The following GNB4 variants were observed in gnomAD, a reference collection of about 807,000 sequenced individuals.
The protein encoded by GNB4 is G protein subunit beta 4.
Under a neutral mutation model 45.2 loss-of-function variants are expected in GNB4, and 28 were observed. That is an observed-to-expected ratio of 0.62 (90% CI 0.46 to 0.85). GNB4 has a LOEUF of 0.85. Ranked by LOEUF, GNB4 falls within the 40% of genes least tolerant of loss-of-function variation. GNB4 has a pLI of 0.00. For synonymous variants in GNB4, 132 were observed against 143.7 expected, an observed-to-expected ratio of 0.92 and a Z score of 0.58; for missense variants, 321 against 425.4, an observed-to-expected ratio of 0.75 and a Z score of 2.16.
At chr3:179,436,166 A>C (rs1715441938) in intron 1 of GNB4, among the ~76,000 whole-genome samples, 1 of 152,224 alleles carries the variant, frequency 6.6e-6, no homozygotes, top group Non-Finnish European at 1.5e-5. Flanking sequence ...TGGGAGGCCA[A>C]GGCAGGTAGA....
intron 1 of GNB4, among the ~76,000 whole-genome samples, chr3:179,443,380 A>C (rs1715641934): frequency 6.6e-6 from 1 of 152,096 alleles, no homozygotes; most frequent in Non-Finnish European, 1.5e-5. Context: ...CTCTACTAAA[A>C]ATACAAAAAT....
chr3:179,407,712 C>T (rs761986002), intron 8 of GNB4, among the ~76,000 whole-genome samples: 3 of 152,028 alleles, frequency 2.0e-5, no homozygotes, highest in Non-Finnish European at 4.4e-5. Context: ...CTGAGGACAT[C>T]CTTTAGGTAG....
chr3:179,480,625 G>A, the GNB4 span, among the ~76,000 whole-genome samples: 1 of 152,032 alleles, frequency 6.6e-6, no homozygotes, highest in South Asian at 2.1e-4. Flanking sequence ...ACTTGATACT[G>A]TCATCAACTA....
intron 1 of GNB4, among the ~76,000 whole-genome samples, chr3:179,428,597 TACTA>T (rs1715215203): frequency 6.6e-6 from 1 of 152,182 alleles, no homozygotes; most frequent in Admixed American, 6.5e-5. Flanking sequence ...ACATCCCTCC[TACTA>T]ACTAAAACAC....
chr3:179,509,321 T>C, the GNB4 span, among the ~76,000 whole-genome samples: 4 of 152,098 alleles, frequency 2.6e-5, no homozygotes, highest in Admixed American at 6.6e-5. Flanking sequence ...AAGAGATTAA[T>C]TTGTAAAATC....
intron 8 of GNB4, among the ~76,000 whole-genome samples, chr3:179,411,332 A>G (rs892015907): frequency 1.4e-4 from 21 of 152,164 alleles, no homozygotes; most frequent in African/African-American, 4.8e-4. Flanking sequence ...ATAAAAATAT[A>G]ATGAAGTTGG....
At chr3:179,513,541 T>C in the GNB4 span, among the ~76,000 whole-genome samples, 2 of 152,160 alleles carry the variant, frequency 1.3e-5, no homozygotes, top group African/African-American at 4.8e-5. Flanking sequence ...ATAGTTTAAA[T>C]GGTCAAATAA....
the GNB4 span, among the ~76,000 whole-genome samples, chr3:179,460,442 A>G: frequency 6.6e-6 from 1 of 152,238 alleles, no homozygotes; most frequent in Non-Finnish European, 1.5e-5. Context: ...AATCTCTGCA[A>G]GGAGGTTCCT....
At chr3:179,418,373 A>C (rs1714864394) in intron 4 of GNB4, among the ~76,000 whole-genome samples, 1 of 150,478 alleles carries the variant, frequency 6.6e-6, no homozygotes, top group African/African-American at 2.5e-5. Flanking sequence ...GGGAGGCTGA[A>C]GCAGGAAAAT....
the GNB4 span, among the ~76,000 whole-genome samples, chr3:179,511,923 C>T: frequency 9.9e-5 from 15 of 152,222 alleles, no homozygotes; most frequent in African/African-American, 2.2e-4. Context: ...TGGCCCCACG[C>T]GGCTGAGTAC....
intron 5 of GNB4, among the ~76,000 whole-genome samples, chr3:179,415,441 G>C (rs1714769768): frequency 2.6e-5 from 4 of 152,168 alleles, no homozygotes; most frequent in African/African-American, 9.7e-5. Context: ...CTCTGAACAA[G>C]AACTAGGGAA....
chr3:179,464,323 C>T, the GNB4 span: 7 of 662,802 alleles, frequency 1.1e-5, no homozygotes, highest in African/African-American at 3.6e-5. Context: ...AAACAGGTCC[C>T]GGCGCAGTCA....
chr3:179,451,314 G>C (rs1715867444), intron 1 of GNB4, 32 bp downstream of exon 1: 1 of 151,316 alleles, frequency 6.6e-6, no homozygotes, highest in Non-Finnish European at 1.5e-5. Context: ...GGGGCGCACC[G>C]ACGAGCCGCC....
chr3:179,466,195 G>C, the GNB4 span, among the ~76,000 whole-genome samples: 1 of 151,888 alleles, frequency 6.6e-6, no homozygotes, highest in Non-Finnish European at 1.5e-5. Flanking sequence ...GTTTTTAGTA[G>C]AGATAGGGTT....
intron 1 of GNB4, among the ~76,000 whole-genome samples, chr3:179,439,221 C>G (rs1486517492): frequency 6.6e-6 from 1 of 152,126 alleles, no homozygotes; most frequent in Admixed American, 6.5e-5. Flanking sequence ...AGTTTAACAT[C>G]GTGTGATTGG....
the GNB4 span, among the ~76,000 whole-genome samples, chr3:179,463,331 G>C: frequency 1.3e-5 from 2 of 152,078 alleles, no homozygotes; most frequent in South Asian, 2.1e-4. Context: ...CCAAACAGAA[G>C]GTATTTCTCA....
At chr3:179,500,222 C>T in the GNB4 span, among the ~76,000 whole-genome samples, 6 of 152,282 alleles carry the variant, frequency 3.9e-5, no homozygotes, top group Admixed American at 3.9e-4. Context: ...TTAGGTCTTA[C>T]ATTTAAGTCT....
At chr3:179,454,131 T>C (rs1167219049), upstream of GNB4, among the ~76,000 whole-genome samples, 1 of 152,240 alleles carries the variant, frequency 6.6e-6, no homozygotes, top group East Asian at 1.9e-4. Flanking sequence ...ATCCTACTTC[T>C]GAGGATTAAG....
At chr3:179,506,947 TG>T in the GNB4 span, among the ~76,000 whole-genome samples, 2 of 152,160 alleles carry the variant, frequency 1.3e-5, no homozygotes, top group East Asian at 3.8e-4. Context: ...TTCTCTGTAG[TG>T]TAACTCCACC....
Sources: allele counts gnomAD v4.1 joint callset (sites outside exome capture counted in the v4.1 genomes callset), GRCh38; gene constraint gnomAD v4.1.1; transcripts MANE v1.5; gene names NCBI Gene and HGNC (gene_info 2026-07-23, HGNC 2026-07-21).